Variants in MEIS2 observed in about 807,000 individuals in gnomAD.
MEIS2 encodes the protein Meis homeobox 2.
Under a neutral mutation model 58.6 loss-of-function variants are expected in MEIS2, and 9 were observed. That is an observed-to-expected ratio of 0.15 (90% CI 0.09 to 0.27). MEIS2 has a LOEUF of 0.27. Ranked by LOEUF, MEIS2 falls within the 10% of genes least tolerant of loss-of-function variation. The probability of loss-of-function intolerance (pLI) is 1.00; values close to 1 mark genes in which losing one functional copy is unlikely to be tolerated. For missense variants in MEIS2, 427 were observed against 635.0 expected (o/e 0.67, Z 3.52); for synonymous variants, 221 against 228.4 (o/e 0.97, Z 0.29).
intron 8 of MEIS2, among the ~76,000 whole-genome samples, chr15:36,987,155 C>A (rs557658318): frequency 2.1e-4 from 32 of 152,142 alleles, no homozygotes; most frequent in Non-Finnish European, 3.4e-4. Flanking sequence ...CAGCTATAAT[C>A]CCAGAACTTT....
intron 8 of MEIS2, among the ~76,000 whole-genome samples, chr15:37,008,450 C>T (rs528374380): frequency 6.8e-4 from 103 of 152,220 alleles, no homozygotes; most frequent in African/African-American, 2.4e-3. Context: ...ATGAAGTCTG[C>T]CATTTGAGAT....
At chr15:37,058,367 G>A (rs375878406) in intron 7 of MEIS2, among the ~76,000 whole-genome samples, 22 of 152,278 alleles carry the variant, frequency 1.4e-4, no homozygotes, top group African/African-American at 5.1e-4. Context: ...TTTAGGAAAC[G>A]CTCTCAAGTT....
At chr15:36,926,472 G>A (rs760179258) in intron 9 of MEIS2, among the ~76,000 whole-genome samples, 8 of 152,214 alleles carry the variant, frequency 5.3e-5, no homozygotes, top group South Asian at 4.2e-4. Flanking sequence ...AATAAAATAC[G>A]TCTGCATTAA....
chr15:37,072,894 A>G (rs576542664), intron 7 of MEIS2, among the ~76,000 whole-genome samples: 2 of 152,104 alleles, frequency 1.3e-5, no homozygotes, highest in South Asian at 4.2e-4. Context: ...GATGTTTCAG[A>G]CAGAAGTAAT....
intron 9 of MEIS2, among the ~76,000 whole-genome samples, chr15:36,924,713 C>T (rs149736837): frequency 2.1e-4 from 32 of 152,308 alleles, no homozygotes; most frequent in Middle Eastern, 3.4e-3. Context: ...GAATCAATCC[C>T]TGCACAATTC....
intron 7 of MEIS2, among the ~76,000 whole-genome samples, chr15:37,051,167 A>G (rs1186839080): frequency 6.6e-6 from 1 of 152,242 alleles, no homozygotes; most frequent in African/African-American, 2.4e-5. Flanking sequence ...AGCCTCATGT[A>G]GTACCTGAAA....
intron 9 of MEIS2, among the ~76,000 whole-genome samples, chr15:36,911,007 T>TGCACTC: frequency 7.0e-6 from 1 of 142,792 alleles, no homozygotes; most frequent in Non-Finnish European, 1.5e-5. Context: ...ATCGCGCCAC[T>TGCACTC]GCACTCCAGC....
At chr15:37,073,486 C>G (rs1258803666) in intron 7 of MEIS2, among the ~76,000 whole-genome samples, 1 of 151,968 alleles carries the variant, frequency 6.6e-6, no homozygotes, top group African/African-American at 2.4e-5. Context: ...TCCCAAGGTG[C>G]CTTGCTCAAT....
intron 8 of MEIS2, among the ~76,000 whole-genome samples, chr15:36,981,219 A>G (rs906467272): frequency 1.3e-5 from 2 of 151,962 alleles, no homozygotes; most frequent in African/African-American, 2.4e-5. Context: ...TTTTTATTAC[A>G]TTCTTTTATT....
At chr15:37,095,786 G>GACCAGAAT in intron 3 of MEIS2, 172 bp from the exon 4 acceptor site, 1 of 905,962 alleles carries the variant, frequency 1.1e-6, no homozygotes, top group Non-Finnish European at 1.7e-6. Context: ...GAAGAATCAG[G>GACCAGAAT]GCATTCTGGT....
rs376969986 is a variant in MEIS2 at position 36,920,984 on chromosome 15, AAAAAACAAAAAC to A, written c.978-24310_978-24299del. Among the ~76,000 whole-genome samples the A allele has an allele frequency of 2.8e-3, 422 of 152,224 alleles. 3 individuals are homozygous for A. The highest frequency in any genetic ancestry group is 5.2e-3 in the East Asian group (27 of 5,182). On this transcript the variant is annotated intron_variant, in intron 9 of 11. Transcript: ENST00000561208. ...CCCCAAAGGTTTCAGAAGGGCCAGGAAAAAACAAAAACAAAAACAAAAACAAAAAAAAACCTC... is the reference window on the plus strand; with the variant it reads ...CCCCAAAGGTTTCAGAAGGGCCAGGAAAAAACAAAAACAAAAAAAAACCTC...
intron 7 of MEIS2, among the ~76,000 whole-genome samples, chr15:37,043,380 A>G (rs2062514750): frequency 6.6e-6 from 1 of 152,178 alleles, no homozygotes; most frequent in African/African-American, 2.4e-5. Flanking sequence ...ATACACAAAC[A>G]TAGGTAGACA....
Position 37,010,378 on chromosome 15 carries a change from C to T in MEIS2, c.900+26436G>A, listed in dbSNP as rs574673935. On this transcript the variant is annotated intron_variant, in intron 8 of 11. Coordinates refer to ENST00000561208, the MANE Select transcript of MEIS2 (RefSeq NM_170675.5). Reference sequence around the variant, plus strand: ...CTGAGATTACAGGCATGAGCCACCACGCCCGGCCTATTTCTTTGTTTTCAG... The same window carrying T: ...CTGAGATTACAGGCATGAGCCACCATGCCCGGCCTATTTCTTTGTTTTCAG... Among the ~76,000 whole-genome samples, 118 of 151,536 alleles carry T rather than the reference C, an allele frequency of 7.8e-4. 1 individual carries two copies. Among genetic ancestry groups the T allele is most frequent in the African/African-American group, 2.8e-3 (115 of 41,234 alleles).
intron 1 of MEIS2, 151 bp from the exon 2 acceptor site, chr15:37,098,350 A>AGAGGAGGAG (rs1263335760): frequency 8.7e-7 from 1 of 1,149,836 alleles, no homozygotes; most frequent in Non-Finnish European, 1.1e-6. Context: ...AAGAGAGAAG[A>AGAGGAGGAG]GAGGAGGAGG....
chr15:37,093,392 G>T (rs374140342), intron 6 of MEIS2, among the ~76,000 whole-genome samples, 189 bp downstream of exon 6: 51 of 152,124 alleles, frequency 3.4e-4, no homozygotes, highest in African/African-American at 1.2e-3. Flanking sequence ...ATAAATAGGA[G>T]GGGGTCCAAG....
intron 11 of MEIS2, chr15:36,894,863 AT>A: frequency 7.1e-7 from 1 of 1,405,602 alleles, no homozygotes; most frequent in Non-Finnish European, 1.0e-6. Context: ...GCAATAATTG[AT>A]GGTGAAAAAA....
chr15:37,031,661 T>C (rs1170186769), intron 8 of MEIS2, among the ~76,000 whole-genome samples: 1 of 151,906 alleles, frequency 6.6e-6, no homozygotes, highest in Admixed American at 6.6e-5. Flanking sequence ...AATAGGCAAG[T>C]AGTAAAATGA....
rs148193570 is a variant in MEIS2 at position 37,084,825 on chromosome 15, G to A, written c.640-940C>T. Among the ~76,000 whole-genome samples, 4 of 152,264 alleles carry A rather than the reference G, an allele frequency of 2.6e-5. No homozygotes were observed. The East Asian group carries it at 7.7e-4, about 29-fold the overall frequency. On this transcript the variant is annotated intron_variant, in intron 6 of 11. Coordinates refer to ENST00000561208, the MANE Select transcript of MEIS2 (RefSeq NM_170675.5). ...AGGACTTTATCAGCACCACATGAAG[G>A]CAGGCAAGAGATGGAATTTCCTCTG... is the stretch of plus-strand genomic sequence containing the variant.
intron 5 of MEIS2, among the ~76,000 whole-genome samples, chr15:37,094,206 G>A (rs1385646347): frequency 6.6e-6 from 1 of 152,216 alleles, no homozygotes; most frequent in Non-Finnish European, 1.5e-5. Flanking sequence ...TGCAAACCCA[G>A]GGCCGAGGGT....
Sources: gnomAD v4.1 joint callset for allele counts (sites outside exome capture counted in the v4.1 genomes callset) on GRCh38, gnomAD v4.1.1 for gene constraint, MANE v1.5 for transcripts, NCBI Gene and HGNC (gene_info 2026-07-23, HGNC 2026-07-21) for gene names.